The following ZNF521 variants were observed in gnomAD, a reference collection of about 807,000 sequenced individuals.
ZNF521 encodes zinc finger protein 521.
A neutral mutation model predicts 105.5 loss-of-function variants in ZNF521; 14 were observed. The observed-to-expected ratio is 0.13, with a 90% CI of 0.09 to 0.21. ZNF521 has a LOEUF of 0.21. ZNF521 is among the 10% of genes least tolerant of loss of function. The pLI, the probability that ZNF521 is intolerant of heterozygous loss-of-function variation, is 1.00. For synonymous variants in ZNF521, 635 were observed against 606.0 expected (o/e 1.05, Z -0.70); for missense variants, 1,233 against 1,629.7 (o/e 0.76, Z 4.19).
At chr18:25,158,852 A>C (rs916506967) in intron 5 of ZNF521, among the ~76,000 whole-genome samples, 1 of 152,004 alleles carries the variant, frequency 6.6e-6, no homozygotes, top group Admixed American at 6.6e-5. Flanking sequence ...GCTACTCTGG[A>C]GGCTGAGGCA....
intron 5 of ZNF521, among the ~76,000 whole-genome samples, chr18:25,113,372 A>G (rs546242680): frequency 4.1e-4 from 63 of 152,322 alleles, no homozygotes; most frequent in African/African-American, 1.4e-3. Flanking sequence ...CCCAGCGCCA[A>G]TGAAATAACA....
At chr18:25,281,307 A>T (rs945942813) in intron 3 of ZNF521, among the ~76,000 whole-genome samples, 2 of 152,212 alleles carry the variant, frequency 1.3e-5, no homozygotes, top group South Asian at 2.1e-4. Context: ...TTGTCATTCA[A>T]CACAAATACT....
intron 4 of ZNF521, among the ~76,000 whole-genome samples, chr18:25,214,044 A>G (rs984740588): frequency 6.6e-6 from 1 of 152,050 alleles, no homozygotes; most frequent in Non-Finnish European, 1.5e-5. Context: ...TTCAGATATC[A>G]CTCACCAGGA....
chr18:25,264,554 G>T (rs1316372772), intron 3 of ZNF521, among the ~76,000 whole-genome samples: 1 of 151,954 alleles, frequency 6.6e-6, no homozygotes, highest in African/African-American at 2.4e-5. Flanking sequence ...AGTTTCCTAA[G>T]ATCAATATTT....
At position 25,062,716 on chromosome 18, in the gene ZNF521, C is replaced by T; in HGVS notation, c.3932G>A (p.Ser1311Asn). Residue 1311 changes from serine (S) to asparagine (N), a missense_variant, in exon 8 of 8, where the codon AGT (serine) becomes AAT (asparagine). Transcript: ENST00000361524. ...LQNHTMTQHS[S>N] ...CCTTGAGAGACTGTACTTGCACTAA[C>T]TGCTGTGTTGGGTCATTGTATGATT... 2 of 1,263,690 alleles carry T rather than the reference C, an allele frequency of 1.6e-6. No individual in the cohort carries two copies. Among genetic ancestry groups the T allele is most frequent in the Non-Finnish European group, 2.1e-6 (2 of 948,036 alleles). 78.3% of individuals were successfully genotyped at this position (1,263,690 alleles called of 1,614,324 possible). A position where few individuals can be genotyped will look rare whatever the true frequency, so the allele number is the denominator to read the frequency against.
chr18:25,238,367 C>T (rs921810810), intron 3 of ZNF521, among the ~76,000 whole-genome samples: 3 of 152,192 alleles, frequency 2.0e-5, no homozygotes, highest in African/African-American at 7.2e-5. Context: ...CTATAACTCT[C>T]TGTTAACAAG....
intron 3 of ZNF521, among the ~76,000 whole-genome samples, chr18:25,244,282 GCACACA>G (rs57083520): frequency 0.036 from 5,277 of 147,368 alleles, 305 homozygotes; most frequent in African/African-American, 0.12. Context: ...GTATGCATGT[GCACACA>G]CACACACACA....
intron 3 of ZNF521, among the ~76,000 whole-genome samples, chr18:25,257,989 C>A (rs1908639910): frequency 6.6e-6 from 1 of 152,094 alleles, no homozygotes; most frequent in African/African-American, 2.4e-5. Context: ...ACACACACTT[C>A]ACATTTAAAA....
At chr18:25,196,053 C>G (rs1420138588) in intron 4 of ZNF521, among the ~76,000 whole-genome samples, 1 of 151,694 alleles carries the variant, frequency 6.6e-6, no homozygotes, top group Non-Finnish European at 1.5e-5. Flanking sequence ...TATAATTTTA[C>G]ATCTTTATTA....
intron 7 of ZNF521, among the ~76,000 whole-genome samples, chr18:25,081,053 C>T (rs562935020): frequency 6.1e-4 from 88 of 143,144 alleles, no homozygotes; most frequent in Non-Finnish European, 9.8e-4. Context: ...AGCAGGCTGT[C>T]TTGGCGACAT....
At chr18:25,222,502 G>A (rs578168372) in intron 4 of ZNF521, among the ~76,000 whole-genome samples, 535 of 152,184 alleles carry the variant, frequency 3.5e-3, no homozygotes, top group Middle Eastern at 0.017. Context: ...AATCTACTAA[G>A]AAACAAGAGA....
chr18:25,117,382 C>T (rs4588060), intron 5 of ZNF521, among the ~76,000 whole-genome samples: 149,370 of 152,168 alleles, frequency 0.98, 73,369 homozygotes, highest in East Asian at 1. Context: ...ATCCACAACA[C>T]AACACTTACA....
intron 4 of ZNF521, among the ~76,000 whole-genome samples, chr18:25,214,280 TCTC>T (rs373446318): frequency 4.6e-5 from 7 of 152,292 alleles, no homozygotes; most frequent in African/African-American, 1.4e-4. Context: ...GTGTAATGTT[TCTC>T]CTATTAGCTT....
intron 3 of ZNF521, among the ~76,000 whole-genome samples, chr18:25,268,965 A>C (rs1909454920): frequency 6.6e-6 from 1 of 152,224 alleles, no homozygotes; most frequent in African/African-American, 2.4e-5. Context: ...AAATGCCCCA[A>C]TTAAAAGACA....
chr18:25,137,776 C>G (rs1361694217), intron 5 of ZNF521, among the ~76,000 whole-genome samples: 4 of 152,296 alleles, frequency 2.6e-5, no homozygotes, highest in African/African-American at 4.8e-5. Context: ...CTTCATTTAA[C>G]AGCTGAGGAA....
intron 3 of ZNF521, among the ~76,000 whole-genome samples, chr18:25,252,297 G>A (rs550572858): frequency 2.2e-4 from 34 of 152,080 alleles, no homozygotes; most frequent in African/African-American, 7.7e-4. Flanking sequence ...GTCTTTAGGG[G>A]GTTTGGGAAA....
chr18:25,145,252 C>T (rs2034921542), intron 5 of ZNF521, among the ~76,000 whole-genome samples: 1 of 152,164 alleles, frequency 6.6e-6, no homozygotes, highest in Non-Finnish European at 1.5e-5. Flanking sequence ...ATATCAGTCT[C>T]CCTTTGCCAT....
At chr18:25,295,615 T>TAAA (rs201437743) in intron 3 of ZNF521, among the ~76,000 whole-genome samples, 3 of 140,120 alleles carry the variant, frequency 2.1e-5, no homozygotes, top group South Asian at 2.2e-4. Flanking sequence ...CCCAAAAAAG[T>TAAA]AAAAAAAAAA....
At chr18:25,248,390 C>T (rs138847344) in intron 3 of ZNF521, among the ~76,000 whole-genome samples, 2 of 152,310 alleles carry the variant, frequency 1.3e-5, no homozygotes, top group African/African-American at 2.4e-5. Flanking sequence ...ACCTGCCTTT[C>T]GGCCTGCCTC....
Sources: allele counts gnomAD v4.1 joint callset (sites outside exome capture counted in the v4.1 genomes callset), GRCh38; gene constraint gnomAD v4.1.1; transcripts MANE v1.5; gene names NCBI Gene and HGNC (gene_info 2026-07-23, HGNC 2026-07-21).